IMMP2L: variants seen among roughly 807,000 people sequenced by gnomAD.
The protein encoded by IMMP2L is inner mitochondrial membrane peptidase subunit 2, also known as mitochondrial inner membrane protease subunit 2.
A neutral mutation model predicts 19.3 loss-of-function variants in IMMP2L; 18 were observed. The ratio of observed to expected loss-of-function variants is 0.93; its 90% confidence interval spans 0.64 to 1.38. The LOEUF (loss-of-function observed/expected upper bound fraction) is 1.38. IMMP2L is among the 40% of genes most tolerant of loss of function. IMMP2L has a pLI of 0.00. For synonymous variants in IMMP2L, 76 were observed against 73.0 expected (o/e 1.04, Z -0.21); for missense variants, 233 against 218.2 (o/e 1.07, Z -0.43).
rs762576425 is a variant in IMMP2L at position 111,268,569 on chromosome 7, C to CTTTTTT, written c.239+218663_239+218668dup. On this transcript the variant is annotated intron_variant, in intron 3 of 5. Coordinates refer to ENST00000405709, the MANE Select transcript of IMMP2L (RefSeq NM_032549.4). ...GATATGAGTTAAACTTCACATTTCT[C>CTTTTTT]TTTTTTTTTTTTTTTTTTTTTTTTT... is the stretch of plus-strand genomic sequence containing the variant. 3.4e-3 allele frequency among the ~76,000 whole-genome samples: 153 copies of CTTTTTT among 44,588 alleles called. 32 individuals are homozygous for CTTTTTT. Among genetic ancestry groups the CTTTTTT allele is most frequent in the East Asian group, 6.1e-3 (8 of 1,322 alleles). 29.3% of individuals were successfully genotyped at this position (44,588 alleles called of 152,430 possible). A position where few individuals can be genotyped will look rare whatever the true frequency, so the allele number is the denominator to read the frequency against.
chr7:111,478,855 TATTAA>T (rs747032749), intron 3 of IMMP2L, among the ~76,000 whole-genome samples: 3 of 152,174 alleles, frequency 2.0e-5, no homozygotes, highest in Admixed American at 6.5e-5. Flanking sequence ...TATAATTTTT[TATTAA>T]ATGCCAAGTG....
intron 3 of IMMP2L, among the ~76,000 whole-genome samples, chr7:111,414,027 G>GC (rs1187495475): frequency 4.0e-5 from 6 of 151,638 alleles, no homozygotes; most frequent in Non-Finnish European, 8.8e-5. Context: ...CTGGCAAGTC[G>GC]CAAGATGTTC....
chr7:110,879,862 G>A (rs938107543), intron 5 of IMMP2L, among the ~76,000 whole-genome samples: 1 of 152,090 alleles, frequency 6.6e-6, no homozygotes, highest in African/African-American at 2.4e-5. Flanking sequence ...GTAAGAGAGG[G>A]CTTTCTTGCC....
chr7:110,739,954 A>G (rs1022282058), intron 5 of IMMP2L, among the ~76,000 whole-genome samples: 5 of 152,202 alleles, frequency 3.3e-5, no homozygotes, highest in African/African-American at 4.8e-5. Context: ...AACCTGCTCC[A>G]GAATGATTGT....
At chr7:110,862,048 G>T (rs1673590533) in intron 5 of IMMP2L, among the ~76,000 whole-genome samples, 1 of 151,926 alleles carries the variant, frequency 6.6e-6, no homozygotes, top group Non-Finnish European at 1.5e-5. Flanking sequence ...TATATTAGAA[G>T]TTTTTGACAT....
chr7:111,540,845 T>A (rs1848449997), intron 1 of IMMP2L, among the ~76,000 whole-genome samples: 1 of 152,144 alleles, frequency 6.6e-6, no homozygotes, highest in Non-Finnish European at 1.5e-5. Context: ...TATGGTTGTG[T>A]CAGACGACAT....
At chr7:110,672,707 G>T (rs1792005748) in intron 5 of IMMP2L, among the ~76,000 whole-genome samples, 1 of 152,196 alleles carries the variant, frequency 6.6e-6, no homozygotes, top group Admixed American at 6.5e-5. Flanking sequence ...ATGCAAGTCT[G>T]AAATCCAGTA....
At chr7:110,783,116 T>C (rs143546957) in intron 5 of IMMP2L, among the ~76,000 whole-genome samples, 8 of 151,962 alleles carry the variant, frequency 5.3e-5, no homozygotes, top group African/African-American at 1.9e-4. Context: ...ACAAGATTCT[T>C]TGTTTTCTAT....
At chr7:110,725,209 C>A (rs1028384551) in intron 5 of IMMP2L, among the ~76,000 whole-genome samples, 1 of 152,144 alleles carries the variant, frequency 6.6e-6, no homozygotes, top group South Asian at 2.1e-4. Flanking sequence ...ATTTTACAGA[C>A]AGGAAACCAG....
chr7:111,464,952 C>T (rs1840483625), intron 3 of IMMP2L, among the ~76,000 whole-genome samples: 1 of 152,072 alleles, frequency 6.6e-6, no homozygotes, highest in Non-Finnish European at 1.5e-5. Flanking sequence ...CCAGGCCCGG[C>T]TAATTTTGTT....
At chr7:111,116,270 T>C (rs1034932904) in intron 3 of IMMP2L, among the ~76,000 whole-genome samples, 1 of 152,138 alleles carries the variant, frequency 6.6e-6, no homozygotes, top group Non-Finnish European at 1.5e-5. Context: ...AAAATAAAAG[T>C]TCTTAAACAT....
chr7:111,497,823 T>G (rs1336325114), intron 2 of IMMP2L, among the ~76,000 whole-genome samples: 31 of 151,980 alleles, frequency 2.0e-4, no homozygotes, highest in Non-Finnish European at 7.4e-5. Context: ...TGATATTAAA[T>G]AAACTAATAT....
At chr7:110,844,464 A>C (rs1197900259) in intron 5 of IMMP2L, among the ~76,000 whole-genome samples, 2 of 152,032 alleles carry the variant, frequency 1.3e-5, no homozygotes, top group Non-Finnish European at 1.5e-5. Flanking sequence ...AACCAAAAAA[A>C]GTTTAGCAGT....
intron 3 of IMMP2L, among the ~76,000 whole-genome samples, chr7:111,090,264 A>G (rs555288328): frequency 6.6e-6 from 1 of 152,312 alleles, no homozygotes; most frequent in African/African-American, 2.4e-5. Context: ...TGGCTTATAT[A>G]GTATATTTTC....
rs144493120 is a variant in IMMP2L at position 111,046,502 on chromosome 7, C to A, written c.240-82937G>T. On this transcript the variant is annotated intron_variant, in intron 3 of 5. Transcript: ENST00000405709. ...ATACACTGAAAGTCAAGAAGGAAAA[C>A]AAAAAATAAATCCACCTGTAGAAAC... Among the ~76,000 whole-genome samples, 273 of 151,834 alleles carry A rather than the reference C, an allele frequency of 1.8e-3. 1 individual carries two copies. The highest frequency in any genetic ancestry group is 5.4e-3 in the African/African-American group (224 of 41,434).
At chr7:110,698,007 A>G (rs1794006646) in intron 5 of IMMP2L, among the ~76,000 whole-genome samples, 1 of 152,202 alleles carries the variant, frequency 6.6e-6, no homozygotes, top group Non-Finnish European at 1.5e-5. Flanking sequence ...CTAAATGCTA[A>G]TATCTGTCAA....
intron 3 of IMMP2L, among the ~76,000 whole-genome samples, chr7:110,965,542 T>C (rs762702228): frequency 1.3e-5 from 2 of 151,982 alleles, no homozygotes; most frequent in African/African-American, 2.4e-5. Context: ...ATCAAGTAAA[T>C]ATTATATTTC....
chr7:110,768,604 T>C (rs1798827373), intron 5 of IMMP2L, among the ~76,000 whole-genome samples: 1 of 152,178 alleles, frequency 6.6e-6, no homozygotes. Flanking sequence ...TGTATACATG[T>C]TATTCCTTCA....
chr7:111,388,004 A>G (rs1311291281), intron 3 of IMMP2L, among the ~76,000 whole-genome samples: 1 of 151,400 alleles, frequency 6.6e-6, no homozygotes, highest in Non-Finnish European at 1.5e-5. Context: ...AAAAAACTAA[A>G]ATACTAAATA....
Sources: gnomAD v4.1 joint callset for allele counts (sites outside exome capture counted in the v4.1 genomes callset) on GRCh38, gnomAD v4.1.1 for gene constraint, MANE v1.5 for transcripts, NCBI Gene and HGNC (gene_info 2026-07-23, HGNC 2026-07-21) for gene names.